The following ITGB5 variants were observed in gnomAD, a reference collection of about 807,000 sequenced individuals.
ITGB5 encodes integrin beta-5.
ITGB5 carries 38 observed loss-of-function variants against 84.8 expected under a neutral mutation model. The ratio of observed to expected loss-of-function variants is 0.45; its 90% CI spans 0.35 to 0.59. The LOEUF (loss-of-function observed/expected upper bound fraction) is 0.59. ITGB5 is among the 20% of genes least tolerant of loss of function. The pLI is 0.01. For missense variants in ITGB5, 905 were observed against 1,034.5 expected (o/e 0.87, Z 1.72); for synonymous variants, 393 against 414.4 (o/e 0.95, Z 0.63).
intron 7 of ITGB5, among the ~76,000 whole-genome samples, chr3:124,819,350 A>G (rs1296386106): frequency 6.6e-6 from 1 of 152,220 alleles, no homozygotes; most frequent in Non-Finnish European, 1.5e-5. Flanking sequence ...CTGCAGGCTC[A>G]GGCATAAAGC....
rs778016470 is a variant in ITGB5 at position 124,796,460 on chromosome 3, C to T, written c.1621G>A (p.Gly541Ser). The stretch of plus-strand genomic sequence containing the variant: ...TCACAGAAAGGCCCATAGATCTTGC[C>T]AAACTCGCTCTCGAAGCAGGAGCAC... ...NQCSCFESEFGKIYGPFCECD... is the reference protein window; with the variant it reads ...NQCSCFESEFSKIYGPFCECD... The change falls in exon 10 of 15, where the codon GGC becomes AGC. Residue 541 changes from glycine to serine, a missense_variant. Physicochemically the swap from Gly to Ser is moderately conservative, Grantham distance 56. This residue lies in a region of ITGB5 where 656 missense variants were observed against 734.7 expected (regional missense o/e 0.89). Transcript: ENST00000296181. The T allele has an allele frequency of 1.9e-6, 3 of 1,614,022 alleles. No individual in the cohort carries two copies. Among genetic ancestry groups the T allele is most frequent in the East Asian group, 2.2e-5 (1 of 44,896 alleles).
intron 2 of ITGB5, chr3:124,863,138 G>A (rs1194407231): frequency 6.6e-6 from 1 of 152,106 alleles, no homozygotes; most frequent in Non-Finnish European, 1.5e-5. Context: ...TTGTTGATGT[G>A]CTCAACAACT....
At chr3:124,791,359 G>A (rs1044060830) in intron 10 of ITGB5, 2 of 152,210 alleles carry the variant, frequency 1.3e-5, no homozygotes, top group Non-Finnish European at 2.9e-5. Context: ...ATGACAATGT[G>A]TCACAAAAGT....
chr3:124,873,412 C>G, intron 2 of ITGB5, 34 bp downstream of exon 2: 1 of 1,440,408 alleles, frequency 6.9e-7, no homozygotes, highest in Non-Finnish European at 9.8e-7. Flanking sequence ...CGCAGCATTC[C>G]TTCCCTTCTT....
chr3:124,810,513 G>A (rs1173715597), intron 8 of ITGB5, among the ~76,000 whole-genome samples: 1 of 152,072 alleles, frequency 6.6e-6, no homozygotes, highest in African/African-American at 2.4e-5. Flanking sequence ...CAGGAGGATC[G>A]CTTGAGCCCA....
At chr3:124,796,316 C>T (rs2064222329) in intron 10 of ITGB5, 72 bp downstream of exon 10, 3 of 1,360,120 alleles carry the variant, frequency 2.2e-6, no homozygotes, top group South Asian at 2.7e-5. Flanking sequence ...GAGTAAAAGG[C>T]AGGCTTTGGG....
intron 2 of ITGB5, among the ~76,000 whole-genome samples, chr3:124,864,359 G>A (rs1313766404): frequency 6.6e-6 from 1 of 152,038 alleles, no homozygotes; most frequent in African/African-American, 2.4e-5. Flanking sequence ...ACCCGCCTCA[G>A]CCTCCCAAAG....
intron 1 of ITGB5, among the ~76,000 whole-genome samples, chr3:124,884,224 GA>G (rs34509849): frequency 0.45 from 65,900 of 145,444 alleles, 14,716 homozygotes; most frequent in East Asian, 0.68. Flanking sequence ...AAAAAAAAAA[GA>G]AAAAAAAAAA....
intron 8 of ITGB5, among the ~76,000 whole-genome samples, chr3:124,812,273 G>A (rs1236345658): frequency 6.6e-6 from 1 of 152,120 alleles, no homozygotes; most frequent in Non-Finnish European, 1.5e-5. Flanking sequence ...GCCCCTCAAG[G>A]TGCACTCCTT....
At position 124,901,090 on chromosome 3, in the gene ITGB5, T is replaced by C. The variant is rs531753505; in HGVS notation, c.-255+176A>G. 3.3e-5 allele frequency among the ~76,000 whole-genome samples: 5 copies of C among 152,306 alleles called. No individual in the cohort carries two copies. The East Asian group carries it at 7.7e-4, about 23-fold the overall frequency. ...CAAGGAGAAATTTAGAAATGGTGCA[T>C]TAAAAGTTAATGGTTTTAAGGTCAG... On this transcript the variant is annotated intron_variant, in intron 1 of 4. Coordinates refer to the ITGB5 transcript ENST00000608657.
intron 5 of ITGB5, among the ~76,000 whole-genome samples, chr3:124,825,932 G>A (rs2064779550): frequency 6.6e-6 from 1 of 152,180 alleles, no homozygotes; most frequent in Admixed American, 6.5e-5. Context: ...ATCCTACTGT[G>A]CTGGAAAAGG....
At chr3:124,767,170 G>A (rs2063779393) in intron 12 of ITGB5, among the ~76,000 whole-genome samples, 1 of 152,236 alleles carries the variant, frequency 6.6e-6, no homozygotes, top group East Asian at 1.9e-4. Context: ...AAATGCAGTG[G>A]CAATGGCAAT....
chr3:124,858,825 G>A (rs1236786662), intron 3 of ITGB5, among the ~76,000 whole-genome samples: 5 of 152,052 alleles, frequency 3.3e-5, no homozygotes, highest in African/African-American at 1.2e-4. Flanking sequence ...GTAGAATGCT[G>A]GTTACCAGGA....
At chr3:124,841,096 A>G (rs187474872) in intron 5 of ITGB5, among the ~76,000 whole-genome samples, 1 of 152,344 alleles carries the variant, frequency 6.6e-6, no homozygotes, top group East Asian at 1.9e-4. Flanking sequence ...AATAAACCAA[A>G]AAGCCAATGT....
At chr3:124,801,316 T>C (rs902173136) in intron 9 of ITGB5, among the ~76,000 whole-genome samples, 6 of 152,158 alleles carry the variant, frequency 3.9e-5, no homozygotes, top group Non-Finnish European at 4.4e-5. Context: ...AGGGAAACAA[T>C]TGAAATCACT....
rs1934746956 is a variant in ITGB5 at position 124,885,183 on chromosome 3, T to C, written c.70+1748A>G. ...TACTTGGGAGGCTAAGCCAGGAGAA[T>C]TGCTTGAACCTGGGAGGTGGAGGTT... On this transcript the variant is annotated intron_variant, in intron 1 of 14. Coordinates refer to ENST00000296181, the MANE Select transcript of ITGB5 (RefSeq NM_002213.5). 1.3e-5 allele frequency among the ~76,000 whole-genome samples: 2 copies of C among 152,228 alleles called. 1 individual carries two copies. The highest frequency in any genetic ancestry group is 4.2e-4 in the South Asian group (2 of 4,814).
intron 2 of ITGB5, chr3:124,862,106 A>T (rs142262808): frequency 6.6e-6 from 1 of 152,304 alleles, no homozygotes; most frequent in Non-Finnish European, 1.5e-5. Flanking sequence ...ACTCTGCTAG[A>T]GAATTTCTGA....
chr3:124,785,480 G>A (rs1220365838), intron 10 of ITGB5, among the ~76,000 whole-genome samples: 1 of 151,696 alleles, frequency 6.6e-6, no homozygotes, highest in Non-Finnish European at 1.5e-5. Flanking sequence ...AGCTACTCAG[G>A]TGGCTGATGC....
intron 2 of ITGB5, among the ~76,000 whole-genome samples, chr3:124,864,288 A>C (rs2065353419): frequency 6.6e-6 from 1 of 151,578 alleles, no homozygotes; most frequent in African/African-American, 2.4e-5. Context: ...TTGTATTTTT[A>C]GTAGAGACAG....
Sources: gnomAD v4.1 joint callset for allele counts (sites outside exome capture counted in the v4.1 genomes callset) on GRCh38, gnomAD v4.1.1 for gene constraint, gnomAD v4.1.1 regional missense constraint, MANE v1.5 for transcripts, NCBI Gene and HGNC (gene_info 2026-07-23, HGNC 2026-07-21) for gene names.